Variants in RALGPS1 observed in about 807,000 individuals in gnomAD.
RALGPS1 encodes the protein ras-specific guanine nucleotide-releasing factor RalGPS1.
Under a neutral mutation model 78.8 loss-of-function variants are expected in RALGPS1, and 19 were observed. The ratio of observed to expected loss-of-function variants is 0.24; its 90% CI spans 0.17 to 0.35. RALGPS1 has a LOEUF of 0.35. Among genes scored for constraint, RALGPS1 ranks in the 10% least tolerant of loss-of-function variants. RALGPS1 has a pLI of 1.00. For missense variants in RALGPS1, 454 were observed against 688.3 expected, an observed-to-expected ratio of 0.66 and a Z score of 3.81; for synonymous variants, 228 against 256.3, an observed-to-expected ratio of 0.89 and a Z score of 1.06.
intron 1 of RALGPS1, among the ~76,000 whole-genome samples, chr9:126,942,236 A>G (rs1220989494): frequency 6.6e-6 from 1 of 150,822 alleles, no homozygotes; most frequent in African/African-American, 2.4e-5. Flanking sequence ...TTTTAATTTT[A>G]ATGTAGCTAA....
chr9:126,965,270 C>G (rs1050777304), intron 2 of RALGPS1, among the ~76,000 whole-genome samples: 1 of 152,174 alleles, frequency 6.6e-6, no homozygotes, highest in Non-Finnish European at 1.5e-5. Flanking sequence ...CCAAGTGCCC[C>G]GCATGATAAA....
chr9:126,977,785 G>T, intron 4 of RALGPS1, 40 bp downstream of exon 4: 1 of 1,463,340 alleles, frequency 6.8e-7, no homozygotes, highest in Non-Finnish European at 9.4e-7. Flanking sequence ...TCATGCTGTG[G>T]GTGGGCAGCG....
Position 126,993,697 on chromosome 9 carries a change from G to A in RALGPS1, c.216+15952G>A, listed in dbSNP as rs182850858. ...AAGAGAGTAGTGGTTCTCCCAGCAC[G>A]CAGCTTGAGATCTGAGAACGGGCAG... On this transcript the variant is annotated intron_variant, in intron 4 of 18. Transcript: ENST00000259351. Among the ~76,000 whole-genome samples, 221 of 152,184 alleles carry A rather than the reference G, an allele frequency of 1.5e-3. No individual in the cohort carries two copies. In the Middle Eastern group the frequency reaches 0.017, roughly 12 times the overall value.
intron 8 of RALGPS1, among the ~76,000 whole-genome samples, chr9:127,140,668 C>G (rs2057709927): frequency 6.6e-6 from 1 of 152,224 alleles, no homozygotes; most frequent in Admixed American, 6.5e-5. Flanking sequence ...AGTTATACTT[C>G]TCATTATACC....
intron 3 of RALGPS1, among the ~76,000 whole-genome samples, chr9:126,968,034 C>T (rs997325231): frequency 5.5e-5 from 8 of 144,330 alleles, no homozygotes; most frequent in Non-Finnish European, 9.0e-5. Flanking sequence ...GACGGAGTCT[C>T]GCTCTGTCGC....
chr9:127,012,097 G>A (rs549505470), intron 4 of RALGPS1, among the ~76,000 whole-genome samples: 173 of 152,292 alleles, frequency 1.1e-3, no homozygotes, highest in Non-Finnish European at 2.0e-3. Flanking sequence ...AGAGTTTAAA[G>A]CAAAGTTTTA....
chr9:127,045,246 G>T (rs376397160), intron 5 of RALGPS1, among the ~76,000 whole-genome samples: 3 of 152,068 alleles, frequency 2.0e-5, no homozygotes, highest in African/African-American at 4.8e-5. Flanking sequence ...ATTTTGTTAC[G>T]TATAATATTA....
At chr9:127,210,186 G>A (rs542827052) in intron 14 of RALGPS1, among the ~76,000 whole-genome samples, 3 of 152,338 alleles carry the variant, frequency 2.0e-5, no homozygotes, top group East Asian at 1.9e-4. Flanking sequence ...GTCACAGAGC[G>A]AGTTTGCAGG....
At chr9:127,180,393 G>A (rs2060139997) in intron 11 of RALGPS1, among the ~76,000 whole-genome samples, 2 of 152,222 alleles carry the variant, frequency 1.3e-5, no homozygotes, top group African/African-American at 4.8e-5. Context: ...GTGTCTCCCT[G>A]TTGTATTGCC....
chr9:127,039,516 G>A (rs1329890568), intron 5 of RALGPS1, among the ~76,000 whole-genome samples: 1 of 152,108 alleles, frequency 6.6e-6, no homozygotes, highest in Non-Finnish European at 1.5e-5. Context: ...AAAAAGTCCT[G>A]GGAGGTGGTT....
At chr9:127,016,791 C>G (rs1027801391) in intron 4 of RALGPS1, 1 of 152,332 alleles carries the variant, frequency 6.6e-6, no homozygotes, top group Non-Finnish European at 1.5e-5. Context: ...TGGTTCTTAG[C>G]TTCCTGCCTT....
Position 127,196,612 on chromosome 9 carries a change from C to CA in RALGPS1, c.1177dup (p.Thr393AsnfsTer9). The CA allele has an allele frequency of 6.2e-7, 1 of 1,605,734 alleles. No individual in the cohort carries two copies. The highest frequency in any genetic ancestry group is 8.5e-7 in the Non-Finnish European group (1 of 1,175,562). ...TGGCTCTGACCTCCTCCTCTGCTGTCACCAATGGACTCTCCCTAGGTAAGC... is the reference window on the plus strand; with the variant it reads ...TGGCTCTGACCTCCTCCTCTGCTGTCAACCAATGGACTCTCCCTAGGTAAGC... On this transcript the variant is annotated frameshift_variant, in exon 13 of 19. Coordinates refer to ENST00000259351, the MANE Select transcript of RALGPS1 (RefSeq NM_014636.3). LOFTEE classifies it high-confidence loss of function.
At chr9:126,948,016 C>T (rs551616209) in intron 1 of RALGPS1, among the ~76,000 whole-genome samples, 1 of 151,956 alleles carries the variant, frequency 6.6e-6, no homozygotes, top group South Asian at 2.1e-4. Context: ...AGTGTGTTTC[C>T]CTTTATATTT....
chr9:126,964,944 T>A (rs892670613), intron 2 of RALGPS1, among the ~76,000 whole-genome samples: 1 of 152,206 alleles, frequency 6.6e-6, no homozygotes, highest in East Asian at 1.9e-4. Context: ...AACCACAAAA[T>A]CCTTCTTCGT....
intron 1 of RALGPS1, among the ~76,000 whole-genome samples, chr9:126,921,146 T>C (rs1426500009): frequency 6.6e-6 from 1 of 152,208 alleles, no homozygotes; most frequent in Non-Finnish European, 1.5e-5. Context: ...AAGCACCTCT[T>C]GAGCTGTTTC....
chr9:127,107,764 G>C, intron 8 of RALGPS1: 1 of 721,748 alleles, frequency 1.4e-6, no homozygotes. Context: ...GCTGGCTCCA[G>C]CAGCTCAGCC....
chr9:126,925,190 G>T (rs2035152927), intron 1 of RALGPS1, among the ~76,000 whole-genome samples: 1 of 151,922 alleles, frequency 6.6e-6, no homozygotes. Context: ...GGTCCTTGCT[G>T]TCCTTTAGCT....
intron 7 of RALGPS1, among the ~76,000 whole-genome samples, chr9:127,054,961 A>G (rs1317484078): frequency 2.0e-5 from 3 of 150,770 alleles, no homozygotes; most frequent in Admixed American, 1.3e-4. Context: ...TTGGGTGACA[A>G]AGACCCCATC....
At chr9:126,920,090 T>A (rs1344522466) in intron 1 of RALGPS1, among the ~76,000 whole-genome samples, 1 of 152,136 alleles carries the variant, frequency 6.6e-6, no homozygotes, top group Admixed American at 6.5e-5. Context: ...TGCCTGTGTC[T>A]CTACTCTGCA....
Sources: allele counts gnomAD v4.1 joint callset (sites outside exome capture counted in the v4.1 genomes callset), GRCh38; gene constraint gnomAD v4.1.1; transcripts MANE v1.5; gene names NCBI Gene and HGNC (gene_info 2026-07-23, HGNC 2026-07-21).